The following OPTN variants were observed in gnomAD, a reference collection of about 807,000 sequenced individuals.
OPTN encodes E3-14.7K-interacting protein.
A neutral mutation model predicts 70.4 loss-of-function variants in OPTN; 54 were observed. The observed-to-expected ratio is 0.77, with a 90% CI of 0.62 to 0.96. OPTN has a LOEUF of 0.96. OPTN is among the 40% of genes least tolerant of loss of function. The pLI, the probability that OPTN is intolerant of heterozygous loss-of-function variation, is 0.00. For synonymous variants in OPTN, 256 were observed against 248.5 expected (o/e 1.03, Z -0.28); for missense variants, 624 against 673.2 (o/e 0.93, Z 0.81).
rs374267986 is a variant in OPTN at position 13,110,487 on chromosome 10, C to T, written c.369+11C>T. On this transcript the variant is annotated intron_variant, in intron 4 of 14. Coordinates refer to ENST00000378747, the MANE Select transcript of OPTN (RefSeq NM_001008212.2). ...GAAAGGTCATCTGAGGTGAGCAGAC[C>T]GATCCATTGTGATGTTGTTTTTTTT... 34 of 1,599,722 alleles carry T rather than the reference C, an allele frequency of 2.1e-5. No individual in the cohort carries two copies. The highest frequency in any genetic ancestry group is 1.6e-4 in the Admixed American group (9 of 58,062).
chr10:13,125,945 G>A lies in OPTN; in HGVS notation c.1149-1G>A. 6.3e-7 allele frequency: 1 copy of A among 1,598,406 alleles called. No homozygotes were observed. The highest frequency in any genetic ancestry group is 2.2e-5 in the East Asian group (1 of 44,752). On this transcript the variant is annotated splice_acceptor_variant, in intron 10 of 14. Coordinates refer to ENST00000378747, the MANE Select transcript of OPTN (RefSeq NM_001008212.2). LOFTEE classifies it high-confidence loss of function. The stretch of plus-strand genomic sequence containing the variant: ...CCATTTTTTAATATCTTTTTTAATA[G>A]GTCCAAATTAACTGTGCTACAGATG...
chr10:13,123,490 C>A (rs1833396919), intron 8 of OPTN, among the ~76,000 whole-genome samples: 1 of 152,128 alleles, frequency 6.6e-6, no homozygotes, highest in Admixed American at 6.5e-5. Flanking sequence ...TCCCTGTTGA[C>A]TAAAACGAAT....
chr10:13,115,519 ATTC>A (rs1294494184), intron 5 of OPTN, among the ~76,000 whole-genome samples: 1 of 101,684 alleles, frequency 9.8e-6, no homozygotes, highest in African/African-American at 5.0e-5. Context: ...TATATAATAT[ATTC>A]TATAATATAT....
At chr10:13,129,584 C>T (rs1833549158) in intron 12 of OPTN, among the ~76,000 whole-genome samples, 1 of 152,156 alleles carries the variant, frequency 6.6e-6, no homozygotes, top group Non-Finnish European at 1.5e-5. Context: ...AACAGTTGAC[C>T]TCATGATCTG....
chr10:13,127,604 A>T, intron 11 of OPTN, 141 bp from the exon 12 acceptor site: 2 of 873,044 alleles, frequency 2.3e-6, no homozygotes, highest in Non-Finnish European at 3.7e-6. Flanking sequence ...CGATCCTCCC[A>T]CCTCAGCCTC....
At position 13,132,172 on chromosome 10, in the gene OPTN, A is replaced by G. The variant is rs146640606; in HGVS notation, c.1507A>G (p.Asn503Asp). Residue 503 changes from asparagine to aspartate, a missense_variant, in exon 13 of 15, where the codon AAT becomes GAT. Transcript: ENST00000378747. ...ALQLAVLLKE[N>D]DAFEDGGRQS... ...GCAGCTGGCAGTTCTGCTGAAAGAGAATGATGCTTTCGAAGACGGAGGCAG... is the reference window on the plus strand; with the variant it reads ...GCAGCTGGCAGTTCTGCTGAAAGAGGATGATGCTTTCGAAGACGGAGGCAG... The G allele has an allele frequency of 1.2e-6, 2 of 1,613,232 alleles. No individual in the cohort carries two copies. The highest frequency in any genetic ancestry group is 1.3e-5 in the African/African-American group (1 of 74,886).
At chr10:13,100,559 G>C (rs550640480) in intron 1 of OPTN, among the ~76,000 whole-genome samples, 93 of 152,352 alleles carry the variant, frequency 6.1e-4, no homozygotes, top group African/African-American at 2.1e-3. Context: ...GTCCAGGGCC[G>C]GCCTCTTGGC....
At chr10:13,104,866 G>A (rs1357550056) in intron 1 of OPTN, 2 of 340,080 alleles carry the variant, frequency 5.9e-6, no homozygotes, top group Non-Finnish European at 5.5e-6. Context: ...CAGCATGGGG[G>A]TGACCAGGGG....
intron 5 of OPTN, among the ~76,000 whole-genome samples, chr10:13,115,380 ATC>A (rs1235024097): frequency 1.6e-4 from 17 of 106,384 alleles, no homozygotes; most frequent in African/African-American, 6.4e-4. Context: ...TTATATATGT[ATC>A]TGTTTTATAA....
intron 12 of OPTN, among the ~76,000 whole-genome samples, 195 bp from the exon 13 acceptor site, chr10:13,131,872 C>T (rs1179269959): frequency 6.6e-6 from 1 of 152,204 alleles, no homozygotes; most frequent in Non-Finnish European, 1.5e-5. Flanking sequence ...AAAGCACACA[C>T]ACAAACACAG....
intron 12 of OPTN, chr10:13,131,171 C>T (rs1279453444): frequency 1.3e-5 from 2 of 152,230 alleles, no homozygotes; most frequent in African/African-American, 4.8e-5. Context: ...CATGTGGTCT[C>T]CTCCAGAGGG....
chr10:13,125,634 T>G, intron 10 of OPTN, 67 bp downstream of exon 10: 2 of 1,581,026 alleles, frequency 1.3e-6, no homozygotes. Flanking sequence ...TTATACAGAT[T>G]GGAATTCGGA....
At chr10:13,102,122 G>T (rs776164544) in intron 1 of OPTN, among the ~76,000 whole-genome samples, 1 of 152,206 alleles carries the variant, frequency 6.6e-6, no homozygotes, top group Non-Finnish European at 1.5e-5. Flanking sequence ...GCTGGACATT[G>T]ATCTGTCCAG....
intron 12 of OPTN, among the ~76,000 whole-genome samples, chr10:13,131,726 A>G (rs1833596658): frequency 6.6e-6 from 1 of 152,226 alleles, no homozygotes; most frequent in South Asian, 2.1e-4. Flanking sequence ...AATTTACTAT[A>G]TTAAGTAATC....
intron 4 of OPTN, among the ~76,000 whole-genome samples, chr10:13,111,024 T>G (rs563981569): frequency 6.6e-6 from 1 of 152,112 alleles, no homozygotes; most frequent in Admixed American, 6.5e-5. Flanking sequence ...CCTGGAAAAA[T>G]GTGCTCATAC....
At chr10:13,134,388 A>G (rs1029867247) in intron 14 of OPTN, among the ~76,000 whole-genome samples, 3 of 151,950 alleles carry the variant, frequency 2.0e-5, no homozygotes, top group Non-Finnish European at 4.4e-5. Flanking sequence ...CTGCTATTTT[A>G]TAGGTGTTTG....
At chr10:13,105,345 C>G (rs1339186088) in intron 1 of OPTN, among the ~76,000 whole-genome samples, 1 of 152,126 alleles carries the variant, frequency 6.6e-6, no homozygotes, top group Non-Finnish European at 1.5e-5. Context: ...TTTCTAGAAA[C>G]TAAAGAATAT....
intron 14 of OPTN, among the ~76,000 whole-genome samples, chr10:13,134,364 A>G (rs1237885430): frequency 6.6e-6 from 1 of 152,016 alleles, no homozygotes; most frequent in African/African-American, 2.4e-5. Flanking sequence ...TTATTCCTCT[A>G]TGTTGGTACC....
chr10:13,112,750 G>A, intron 5 of OPTN, 115 bp downstream of exon 5: 1 of 1,037,576 alleles, frequency 9.6e-7, no homozygotes, highest in Non-Finnish European at 1.5e-6. Context: ...AAATTCCAGT[G>A]TAGCAAAGAT....
Sources: gnomAD v4.1 joint callset for allele counts (sites outside exome capture counted in the v4.1 genomes callset) on GRCh38, gnomAD v4.1.1 for gene constraint, MANE v1.5 for transcripts, NCBI Gene and HGNC (gene_info 2026-07-23, HGNC 2026-07-21) for gene names.